The following NOL4 variants were observed in gnomAD, a reference collection of about 807,000 sequenced individuals.
NOL4 encodes nucleolar protein 4.
Under a neutral mutation model 75.9 loss-of-function variants are expected in NOL4, and 17 were observed. That is an observed-to-expected ratio of 0.22 (90% CI 0.15 to 0.34). The LOEUF is 0.34. NOL4 is among the 10% of genes least tolerant of loss of function. NOL4 has a pLI of 1.00. For missense variants in NOL4, 614 were observed against 793.5 expected, an observed-to-expected ratio of 0.77 and a Z score of 2.72; for synonymous variants, 292 against 289.9, an observed-to-expected ratio of 1.01 and a Z score of -0.07.
chr18:34,023,840 G>C, intron 5 of NOL4, among the ~76,000 whole-genome samples: 1 of 152,022 alleles, frequency 6.6e-6, no homozygotes, highest in East Asian at 1.9e-4. Context: ...AGAAGGTCTA[G>C]TAACACAGTA....
At chr18:34,027,155 TA>T (rs1450652131) in intron 5 of NOL4, among the ~76,000 whole-genome samples, 1 of 152,086 alleles carries the variant, frequency 6.6e-6, no homozygotes, top group African/African-American at 2.4e-5. Context: ...TAGTAGAATA[TA>T]AAGAAAGTAA....
At chr18:33,932,781 C>T (rs887856828) in intron 9 of NOL4, among the ~76,000 whole-genome samples, 4 of 151,924 alleles carry the variant, frequency 2.6e-5, no homozygotes, top group Non-Finnish European at 4.4e-5. Flanking sequence ...ATTCTGTGAC[C>T]TGGAGAAATT....
intron 5 of NOL4, among the ~76,000 whole-genome samples, chr18:34,078,751 G>A (rs1051924068): frequency 2.0e-5 from 3 of 152,066 alleles, no homozygotes; most frequent in South Asian, 2.1e-4. Context: ...AAAATGCCTC[G>A]TGATCACTTA....
At chr18:34,072,481 G>C (rs1174390474) in intron 5 of NOL4, among the ~76,000 whole-genome samples, 1 of 152,060 alleles carries the variant, frequency 6.6e-6, no homozygotes, top group East Asian at 1.9e-4. Flanking sequence ...AAGAGAAGTA[G>C]ATAAATGCAC....
intron 2 of NOL4, among the ~76,000 whole-genome samples, chr18:34,109,712 C>A (rs1600622633): frequency 6.6e-6 from 1 of 151,356 alleles, no homozygotes; most frequent in Non-Finnish European, 1.5e-5. Context: ...TAAAAAAGAT[C>A]AATGAAACTT....
intron 9 of NOL4, among the ~76,000 whole-genome samples, chr18:33,902,749 T>C (rs2065816683): frequency 6.6e-6 from 1 of 152,104 alleles, no homozygotes. Flanking sequence ...AGCAATCACA[T>C]TGCAGGTTTT....
intron 10 of NOL4, among the ~76,000 whole-genome samples, chr18:33,863,049 A>G (rs2063236353): frequency 6.6e-6 from 1 of 152,236 alleles, no homozygotes; most frequent in African/African-American, 2.4e-5. Flanking sequence ...AGACTGGATT[A>G]AGAAAATGTG....
chr18:33,963,315 C>A (rs895357435), intron 6 of NOL4, among the ~76,000 whole-genome samples: 11 of 152,124 alleles, frequency 7.2e-5, no homozygotes, highest in African/African-American at 2.4e-4. Flanking sequence ...ACTATAATTT[C>A]TCTTTTTTCT....
At chr18:33,853,752 G>A (rs144940036) in intron 10 of NOL4, among the ~76,000 whole-genome samples, 11 of 152,004 alleles carry the variant, frequency 7.2e-5, no homozygotes, top group East Asian at 3.9e-4. Flanking sequence ...ACTGACTTAC[G>A]TGTTTAGGAA....
At chr18:33,895,715 C>T (rs1051725038) in intron 9 of NOL4, among the ~76,000 whole-genome samples, 7 of 151,894 alleles carry the variant, frequency 4.6e-5, no homozygotes, top group African/African-American at 9.7e-5. Flanking sequence ...AATGGGAAAA[C>T]GCTGGAAGCA....
intron 2 of NOL4, among the ~76,000 whole-genome samples, chr18:34,106,682 C>T (rs1433323632): frequency 1.3e-5 from 2 of 151,168 alleles, no homozygotes; most frequent in African/African-American, 2.4e-5. Context: ...AATTTAGGTT[C>T]TCATTCATTT....
At chr18:34,161,063 C>T (rs949131453) in intron 1 of NOL4, among the ~76,000 whole-genome samples, 3 of 152,106 alleles carry the variant, frequency 2.0e-5, no homozygotes, top group Non-Finnish European at 4.4e-5. Flanking sequence ...AGTGAGAATA[C>T]GTGGTATTTA....
At chr18:33,951,239 AG>A (rs1356363389) in intron 8 of NOL4, among the ~76,000 whole-genome samples, 1 of 152,180 alleles carries the variant, frequency 6.6e-6, no homozygotes, top group Non-Finnish European at 1.5e-5. Context: ...AATTATCTGA[AG>A]TATTTCTTTC....
chr18:33,857,523 T>C (rs997194311), intron 10 of NOL4, among the ~76,000 whole-genome samples: 12 of 152,096 alleles, frequency 7.9e-5, no homozygotes, highest in South Asian at 2.1e-4. Flanking sequence ...TCCAAAACCA[T>C]TGAGTGTTTA....
At chr18:33,857,350 A>G (rs2062883260) in intron 10 of NOL4, among the ~76,000 whole-genome samples, 1 of 152,056 alleles carries the variant, frequency 6.6e-6, no homozygotes, top group African/African-American at 2.4e-5. Flanking sequence ...TGATAGGACA[A>G]GAAGCTTATA....
intron 10 of NOL4, among the ~76,000 whole-genome samples, chr18:33,860,721 A>C (rs2063077285): frequency 1.3e-5 from 2 of 151,944 alleles, no homozygotes; most frequent in Non-Finnish European, 1.5e-5. Flanking sequence ...CAGTTTTCAA[A>C]GGGAATGCTT....
chr18:34,189,946 TAG>T (rs759446504), intron 1 of NOL4, among the ~76,000 whole-genome samples: 138 of 151,656 alleles, frequency 9.1e-4, no homozygotes, highest in Non-Finnish European at 1.7e-3. Flanking sequence ...TGCTCTTTTT[TAG>T]AGTTACAATT....
intron 6 of NOL4, among the ~76,000 whole-genome samples, chr18:33,988,993 T>C (rs1201765799): frequency 2.0e-5 from 3 of 151,658 alleles, no homozygotes; most frequent in African/African-American, 7.3e-5. Context: ...CCCAGGACTT[T>C]GAGACTGGTA....
intron 2 of NOL4, among the ~76,000 whole-genome samples, chr18:34,120,487 C>T (rs1278423207): frequency 1.3e-5 from 2 of 152,160 alleles, no homozygotes; most frequent in African/African-American, 4.8e-5. Flanking sequence ...GAGGAATGCA[C>T]TCTGTCCATC....
Sources: gnomAD v4.1 joint callset for allele counts (sites outside exome capture counted in the v4.1 genomes callset) on GRCh38, gnomAD v4.1.1 for gene constraint, MANE v1.5 for transcripts, NCBI Gene and HGNC (gene_info 2026-07-23, HGNC 2026-07-21) for gene names.